The following ZMYM2 variants were observed in gnomAD, a reference collection of about 807,000 sequenced individuals.
The protein encoded by ZMYM2 is zinc finger MYM-type protein 2.
Under a neutral mutation model 162.8 loss-of-function variants are expected in ZMYM2, and 56 were observed. That is an observed-to-expected ratio of 0.34 (90% CI 0.28 to 0.43). The LOEUF (loss-of-function observed/expected upper bound fraction) is 0.43, where lower values mean the gene tolerates loss of function less well. Ranked by LOEUF, ZMYM2 falls within the 20% of genes least tolerant of loss-of-function variation. The pLI is 1.00. For missense variants in ZMYM2, 1,275 were observed against 1,621.8 expected (o/e 0.79, Z 3.67); for synonymous variants, 510 against 541.6 (o/e 0.94, Z 0.81).
At chr13:19,897,264 C>T in the ZMYM2 span, among the ~76,000 whole-genome samples, 2 of 152,118 alleles carry the variant, frequency 1.3e-5, no homozygotes, top group South Asian at 2.1e-4. Context: ...GTACGTCCTT[C>T]TCTATTAGTA....
chr13:19,992,990 A>G (rs1158829786), intron 2 of ZMYM2, 73 bp from the exon 3 acceptor site: 2 of 1,464,890 alleles, frequency 1.4e-6, no homozygotes, highest in African/African-American at 2.8e-5. Flanking sequence ...TACCCTTTAA[A>G]TCAATGGTTT....
At chr13:20,002,362 T>G (rs1950460437) in intron 3 of ZMYM2, among the ~76,000 whole-genome samples, 1 of 152,236 alleles carries the variant, frequency 6.6e-6, no homozygotes, top group African/African-American at 2.4e-5. Flanking sequence ...ATGTCTTACC[T>G]CATTTAATGT....
intron 4 of ZMYM2, among the ~76,000 whole-genome samples, chr13:20,004,707 T>G (rs185740238): frequency 6.6e-6 from 1 of 152,332 alleles, no homozygotes; most frequent in Non-Finnish European, 1.5e-5. Context: ...ACCTCTTACT[T>G]TCTACTTATC....
chr13:19,884,603 G>A, the ZMYM2 span, among the ~76,000 whole-genome samples: 4 of 151,990 alleles, frequency 2.6e-5, no homozygotes, highest in African/African-American at 9.7e-5. Flanking sequence ...TGGTCCTCAC[G>A]GTGAGTATTA....
rs1209727578 is a variant in ZMYM2, at chr13:20,059,551, G to A, written c.2728G>A (p.Val910Ile). The change falls in exon 16 of 25, where the codon GTT becomes ATT. Residue 910 changes from valine (V) to isoleucine (I), a missense_variant. By Grantham distance (29) the Val-to-Ile change is conservative. Coordinates refer to ENST00000610343, the MANE Select transcript of ZMYM2 (RefSeq NM_197968.4). ...YSQNIPVPTTVPVPVPVPVFL... is the reference protein window; with the variant it reads ...YSQNIPVPTTIPVPVPVPVFL... The stretch of plus-strand genomic sequence containing the variant: ...TCAGAATATTCCTGTTCCTACTACA[G>A]TTCCTGTTCCTGTAAGTCACATTTT... 1 of 1,205,214 alleles carries A rather than the reference G, an allele frequency of 8.3e-7. No homozygotes were observed. Among genetic ancestry groups the A allele is most frequent in the Admixed American group, 1.7e-5 (1 of 59,244 alleles). 74.7% of individuals were successfully genotyped at this position (1,205,214 alleles called of 1,614,324 possible).
the ZMYM2 span, among the ~76,000 whole-genome samples, chr13:19,937,859 A>G: frequency 2.2e-5 from 3 of 137,918 alleles, no homozygotes; most frequent in Admixed American, 8.4e-5. Context: ...TCATTGTTCA[A>G]TTCCCACCTA....
the ZMYM2 span, among the ~76,000 whole-genome samples, chr13:19,908,185 G>C: frequency 6.6e-6 from 1 of 151,968 alleles, no homozygotes; most frequent in African/African-American, 2.4e-5. Context: ...CTACTCAAGA[G>C]GCTGAGGCAG....
At chr13:19,882,674 T>C in the ZMYM2 span, among the ~76,000 whole-genome samples, 1 of 152,014 alleles carries the variant, frequency 6.6e-6, no homozygotes, top group Non-Finnish European at 1.5e-5. Flanking sequence ...CTGAGCCCAG[T>C]AGGTCAAAAC....
At chr13:19,986,023 C>CA (rs1949104111) in intron 2 of ZMYM2, among the ~76,000 whole-genome samples, 2 of 151,626 alleles carry the variant, frequency 1.3e-5, no homozygotes, top group South Asian at 4.2e-4. Context: ...CCTGTCTCTG[C>CA]AAAAAAATAC....
At chr13:19,885,681 ATACAAAATT>A in the ZMYM2 span, among the ~76,000 whole-genome samples, 1 of 151,836 alleles carries the variant, frequency 6.6e-6, no homozygotes, top group African/African-American at 2.4e-5. Context: ...TCTACTAAAA[ATACAAAATT>A]TACAAAATTT....
At chr13:19,939,693 G>A in the ZMYM2 span, among the ~76,000 whole-genome samples, 2 of 152,100 alleles carry the variant, frequency 1.3e-5, no homozygotes, top group Non-Finnish European at 2.9e-5. Context: ...TACAAGTTAG[G>A]AAATATATCT....
intron 14 of ZMYM2, among the ~76,000 whole-genome samples, chr13:20,053,423 A>AG (rs1319935598): frequency 6.6e-6 from 1 of 152,170 alleles, no homozygotes; most frequent in African/African-American, 2.4e-5. Context: ...CAACAAGGCA[A>AG]GTGGATCACC....
the ZMYM2 span, among the ~76,000 whole-genome samples, chr13:19,921,562 T>A: frequency 6.6e-6 from 1 of 152,202 alleles, no homozygotes; most frequent in African/African-American, 2.4e-5. Flanking sequence ...ATATGCTTTT[T>A]AAATTTTGTC....
the ZMYM2 span, among the ~76,000 whole-genome samples, chr13:19,931,478 C>T: frequency 2.6e-5 from 4 of 152,144 alleles, no homozygotes; most frequent in African/African-American, 9.7e-5. Context: ...ACCTATCCGT[C>T]CCTCCCTCTC....
intron 3 of ZMYM2, among the ~76,000 whole-genome samples, chr13:19,998,213 C>T (rs901385775): frequency 6.6e-6 from 1 of 152,140 alleles, no homozygotes; most frequent in Admixed American, 6.5e-5. Flanking sequence ...ACCAGCTATC[C>T]TTTCATGAAA....
rs769983805 is a variant in ZMYM2, at chr13:19,993,805, A to T, written c.733A>T (p.Thr245Ser). 4.3e-6 allele frequency: 7 copies of T among 1,614,050 alleles called. No individual in the cohort carries two copies. The African/African-American group carries it at 9.3e-5, about 22-fold the overall frequency. ...SNFGVNIQTY[T>S]PSLTSQTKTG... ...TTTTGGTGTTAATATACAAACATACACCCCATCTTTAACTTCACAGACCAA... is the reference window on the plus strand; with the variant it reads ...TTTTGGTGTTAATATACAAACATACTCCCCATCTTTAACTTCACAGACCAA... The change falls in exon 3 of 25, where the codon ACC (threonine) becomes TCC (serine). Residue 245 changes from threonine (T) to serine (S), a missense_variant. By Grantham distance (58) the Thr-to-Ser change is moderately conservative. Coordinates refer to ENST00000610343, the MANE Select transcript of ZMYM2 (RefSeq NM_197968.4).
the ZMYM2 span, among the ~76,000 whole-genome samples, chr13:19,884,767 G>C: frequency 1.3e-5 from 2 of 151,946 alleles, no homozygotes; most frequent in African/African-American, 4.8e-5. Context: ...CTTCAACATA[G>C]TGCCGACGCC....
chr13:19,941,363 G>A, the ZMYM2 span, among the ~76,000 whole-genome samples: 3 of 151,512 alleles, frequency 2.0e-5, no homozygotes, highest in African/African-American at 7.3e-5. Flanking sequence ...AAAAACTTTA[G>A]GCGAAATAAA....
chr13:19,917,892 C>G, the ZMYM2 span, among the ~76,000 whole-genome samples: 1 of 151,900 alleles, frequency 6.6e-6, no homozygotes, highest in Non-Finnish European at 1.5e-5. Flanking sequence ...AATCCCATCT[C>G]CACAAAAAAT....
Sources: gnomAD v4.1 joint callset for allele counts (sites outside exome capture counted in the v4.1 genomes callset) on GRCh38, gnomAD v4.1.1 for gene constraint, MANE v1.5 for transcripts, NCBI Gene and HGNC (gene_info 2026-07-23, HGNC 2026-07-21) for gene names.